The following MEIS2 variants were observed in gnomAD, a reference collection of about 807,000 sequenced individuals.
MEIS2 encodes the protein homeobox protein Meis2.
A neutral mutation model predicts 58.6 loss-of-function variants in MEIS2; 9 were observed. The observed-to-expected ratio is 0.15, with a 90% CI of 0.09 to 0.27. The LOEUF is 0.27. Among genes scored for constraint, MEIS2 ranks in the 10% least tolerant of loss-of-function variants. The probability of loss-of-function intolerance (pLI) is 1.00; values close to 1 mark genes in which losing one functional copy is unlikely to be tolerated. For synonymous variants in MEIS2, 221 were observed against 228.4 expected, an observed-to-expected ratio of 0.97 and a Z score of 0.29; for missense variants, 427 against 635.0, an observed-to-expected ratio of 0.67 and a Z score of 3.52.
At chr15:36,975,124 T>C (rs1358803516) in intron 8 of MEIS2, among the ~76,000 whole-genome samples, 2 of 152,202 alleles carry the variant, frequency 1.3e-5, no homozygotes, top group African/African-American at 4.8e-5. Flanking sequence ...TTGGTTTATG[T>C]TTTGCCTTGA....
chr15:37,076,028 T>C (rs915339727), intron 7 of MEIS2, among the ~76,000 whole-genome samples: 8 of 152,176 alleles, frequency 5.3e-5, no homozygotes, highest in Non-Finnish European at 1.2e-4. Flanking sequence ...TGTTGCTTTT[T>C]TGCTGGTCCT....
chr15:36,959,107 T>C (rs112633703), intron 8 of MEIS2, among the ~76,000 whole-genome samples: 7 of 152,276 alleles, frequency 4.6e-5, no homozygotes, highest in African/African-American at 1.7e-4. Flanking sequence ...AAAACTGAGG[T>C]TGACGGAGGC....
At chr15:36,923,171 A>C (rs1429263157) in intron 9 of MEIS2, among the ~76,000 whole-genome samples, 1 of 152,210 alleles carries the variant, frequency 6.6e-6, no homozygotes, top group Non-Finnish European at 1.5e-5. Flanking sequence ...AGGGCACAAA[A>C]GGTACTTGCA....
intron 8 of MEIS2, among the ~76,000 whole-genome samples, chr15:37,008,778 C>T (rs2061014336): frequency 1.3e-5 from 2 of 152,142 alleles, no homozygotes; most frequent in Admixed American, 1.3e-4. Context: ...TTAAGTGAAG[C>T]ATCACATAAG....
At chr15:36,901,456 G>A (rs2056467080) in intron 9 of MEIS2, among the ~76,000 whole-genome samples, 1 of 152,154 alleles carries the variant, frequency 6.6e-6, no homozygotes, top group Non-Finnish European at 1.5e-5. Context: ...CGCAAATGAT[G>A]GAGTCATGTC....
At chr15:37,059,050 A>G (rs1406539917) in intron 7 of MEIS2, among the ~76,000 whole-genome samples, 1 of 152,270 alleles carries the variant, frequency 6.6e-6, no homozygotes, top group East Asian at 1.9e-4. Flanking sequence ...CCAACAATCT[A>G]CATAGTTTAT....
At chr15:36,900,359 GT>G (rs1381455831) in intron 9 of MEIS2, among the ~76,000 whole-genome samples, 4 of 152,112 alleles carry the variant, frequency 2.6e-5, no homozygotes, top group African/African-American at 9.7e-5. Context: ...AAGAGCCCTA[GT>G]TCCATTGATT....
At chr15:36,922,911 C>T (rs1332903485) in intron 9 of MEIS2, among the ~76,000 whole-genome samples, 3 of 152,048 alleles carry the variant, frequency 2.0e-5, no homozygotes, top group Admixed American at 6.5e-5. Flanking sequence ...CCACCGCTCC[C>T]GGCCAAACAT....
chr15:36,980,472 A>G (rs1302948109), intron 8 of MEIS2, among the ~76,000 whole-genome samples: 5 of 152,150 alleles, frequency 3.3e-5, no homozygotes, highest in African/African-American at 9.7e-5. Context: ...GATGGCAGCA[A>G]GCAAAGAGAG....
chr15:37,070,110 T>C (rs547706888), intron 7 of MEIS2, among the ~76,000 whole-genome samples: 1 of 152,324 alleles, frequency 6.6e-6, no homozygotes, highest in South Asian at 2.1e-4. Context: ...CCAAATGTGC[T>C]TACTTTTAAT....
At chr15:37,014,466 G>A (rs1042365983) in intron 8 of MEIS2, among the ~76,000 whole-genome samples, 1 of 152,164 alleles carries the variant, frequency 6.6e-6, no homozygotes, top group Non-Finnish European at 1.5e-5. Flanking sequence ...TAGTGCCAAG[G>A]TTTGCCTAAA....
At chr15:36,987,780 C>A (rs1017932647) in intron 8 of MEIS2, among the ~76,000 whole-genome samples, 5 of 133,188 alleles carry the variant, frequency 3.8e-5, no homozygotes, top group Non-Finnish European at 8.7e-5. Context: ...TCAGCTATGA[C>A]CAGTTTTTTT....
At chr15:37,029,225 C>G (rs1396769538) in intron 8 of MEIS2, among the ~76,000 whole-genome samples, 1 of 152,206 alleles carries the variant, frequency 6.6e-6, no homozygotes, top group Non-Finnish European at 1.5e-5. Context: ...CTGGTACTTT[C>G]AGCTGTGTGT....
chr15:36,905,671 AATCT>A (rs1268393469), intron 9 of MEIS2, among the ~76,000 whole-genome samples: 1 of 152,206 alleles, frequency 6.6e-6, no homozygotes, highest in Non-Finnish European at 1.5e-5. Context: ...GGTCCATAGT[AATCT>A]ATCTATGTGT....
chr15:37,020,485 C>T (rs2061488887), intron 8 of MEIS2, among the ~76,000 whole-genome samples: 1 of 152,230 alleles, frequency 6.6e-6, no homozygotes, highest in East Asian at 1.9e-4. Context: ...TTTAGCCAAC[C>T]GAATAGTCCT....
intron 9 of MEIS2, among the ~76,000 whole-genome samples, chr15:36,927,566 G>A (rs946868246): frequency 6.6e-6 from 1 of 152,156 alleles, no homozygotes; most frequent in African/African-American, 2.4e-5. Context: ...AGCCCTGTAT[G>A]AGTTCATTAG....
intron 8 of MEIS2, among the ~76,000 whole-genome samples, chr15:37,006,322 T>C (rs1438158895): frequency 1.3e-5 from 2 of 152,230 alleles, no homozygotes; most frequent in African/African-American, 4.8e-5. Context: ...AGTATCTCTT[T>C]CCCTCTGAAG....
chr15:36,987,783 GTT>G (rs146591977), intron 8 of MEIS2, among the ~76,000 whole-genome samples: 9 of 146,194 alleles, frequency 6.2e-5, no homozygotes, highest in South Asian at 2.2e-4. Context: ...GCTATGACCA[GTT>G]TTTTTTTTTT....
At chr15:37,063,721 C>T (rs1010041623) in intron 7 of MEIS2, among the ~76,000 whole-genome samples, 5 of 152,090 alleles carry the variant, frequency 3.3e-5, no homozygotes, top group Admixed American at 6.5e-5. Flanking sequence ...TCTCAGATTA[C>T]GATAAAGCTA....
Sources: gnomAD v4.1 joint callset for allele counts (sites outside exome capture counted in the v4.1 genomes callset) on GRCh38, gnomAD v4.1.1 for gene constraint, MANE v1.5 for transcripts, NCBI Gene and HGNC (gene_info 2026-07-23, HGNC 2026-07-21) for gene names.